The following RANBP2 variants were observed in gnomAD, a reference collection of about 807,000 sequenced individuals.
The protein encoded by RANBP2 is RAN binding protein 2.
Under a neutral mutation model 303.6 loss-of-function variants are expected in RANBP2, and 57 were observed. The observed-to-expected ratio is 0.19, with a 90% CI of 0.15 to 0.23. The LOEUF (loss-of-function observed/expected upper bound fraction) is 0.23. Among genes scored for constraint, RANBP2 ranks in the 10% least tolerant of loss-of-function variants. The pLI, the probability that RANBP2 is intolerant of heterozygous loss-of-function variation, is 1.00. For missense variants in RANBP2, 3,138 were observed against 3,780.8 expected (o/e 0.83, Z 4.46); for synonymous variants, 1,167 against 1,301.5 (o/e 0.90, Z 2.23).
chr2:108,890,538 C>T, the RANBP2 span, among the ~76,000 whole-genome samples: 1 of 152,170 alleles, frequency 6.6e-6, no homozygotes, highest in African/African-American at 2.4e-5. Context: ...AGCCACTGCA[C>T]CTGGTCAGGG....
chr2:109,205,413 T>C, the RANBP2 span, among the ~76,000 whole-genome samples: 2 of 151,992 alleles, frequency 1.3e-5, no homozygotes, highest in South Asian at 4.1e-4. Context: ...TTTTTTGTTT[T>C]TGTTTTTTGT....
At chr2:109,170,846 T>G in the RANBP2 span, among the ~76,000 whole-genome samples, 1 of 152,170 alleles carries the variant, frequency 6.6e-6, no homozygotes, top group Non-Finnish European at 1.5e-5. Context: ...AGAGGGCGCT[T>G]TTCTCCCCTC....
the RANBP2 span, among the ~76,000 whole-genome samples, chr2:109,191,555 C>T: frequency 2.3e-3 from 350 of 152,310 alleles, 1 homozygote; most frequent in African/African-American, 8.1e-3. Flanking sequence ...TCAGGCTTGA[C>T]GCTGCCTCCC....
At chr2:109,196,711 G>A in the RANBP2 span, among the ~76,000 whole-genome samples, 4 of 152,290 alleles carry the variant, frequency 2.6e-5, no homozygotes, top group South Asian at 2.1e-4. Context: ...GCTGGTGTGT[G>A]CCTCCTCCCG....
At chr2:108,811,579 T>G in the RANBP2 span, among the ~76,000 whole-genome samples, 3 of 151,964 alleles carry the variant, frequency 2.0e-5, no homozygotes, top group Non-Finnish European at 1.5e-5. Context: ...GGTTTGTTGG[T>G]TTTTTTATTT....
chr2:109,249,444 G>C, the RANBP2 span, among the ~76,000 whole-genome samples: 1 of 149,918 alleles, frequency 6.7e-6, no homozygotes, highest in Non-Finnish European at 1.5e-5. Flanking sequence ...TCCTGCACCA[G>C]ATCTCTCTCT....
At chr2:108,859,712 A>G in the RANBP2 span, among the ~76,000 whole-genome samples, 1 of 152,102 alleles carries the variant, frequency 6.6e-6, no homozygotes, top group South Asian at 2.1e-4. Flanking sequence ...GCCTTGTAGT[A>G]TAGTTTGAAG....
At chr2:108,761,879 A>G (rs2433711) in intron 18 of RANBP2, among the ~76,000 whole-genome samples, 37 of 152,298 alleles carry the variant, frequency 2.4e-4, no homozygotes, top group South Asian at 1.7e-3. Context: ...TGATCACAGC[A>G]ATGCTATTCT....
At chr2:108,737,421 C>T (rs1357035802) in intron 6 of RANBP2, among the ~76,000 whole-genome samples, 10 of 149,346 alleles carry the variant, frequency 6.7e-5, no homozygotes, top group Non-Finnish European at 1.5e-5. Context: ...TCACTGTAAC[C>T]TCCGCCTCCC....
the RANBP2 span, among the ~76,000 whole-genome samples, chr2:109,273,922 T>G: frequency 6.6e-6 from 1 of 152,306 alleles, no homozygotes; most frequent in African/African-American, 2.4e-5. Context: ...AGGACTGGGT[T>G]TGGTGCTTGC....
At chr2:109,687,806 G>A in the RANBP2 span, among the ~76,000 whole-genome samples, 4 of 150,074 alleles carry the variant, frequency 2.7e-5, no homozygotes, top group African/African-American at 9.9e-5. Context: ...GCAGTGGTGC[G>A]ATCATGGCTC....
chr2:109,597,451 G>A, the RANBP2 span, among the ~76,000 whole-genome samples: 3 of 152,222 alleles, frequency 2.0e-5, no homozygotes, highest in African/African-American at 7.2e-5. Context: ...CTCAACAGTA[G>A]TAAGACATGG....
chr2:108,766,364 G>T lies in RANBP2; in HGVS notation c.5825G>T (p.Ser1942Ile), dbSNP rs201476147. The T allele has an allele frequency of 9.8e-5, 158 of 1,611,982 alleles. 2 individuals are homozygous for T. The highest frequency in any genetic ancestry group is 7.4e-4 in the South Asian group (67 of 90,994). The change falls in exon 20 of 29, where the codon AGT (serine) becomes ATT (isoleucine). Residue 1942 changes from serine (S) to isoleucine (I), a missense_variant. Ser to Ile is a moderately radical substitution (Grantham distance 142). Around this residue, in one of 20 missense-constraint regions of RANBP2, gnomAD observed 348 missense variants for 360.4 expected, o/e 0.97. Coordinates refer to ENST00000283195, the MANE Select transcript of RANBP2 (RefSeq NM_006267.5). ...NGRGVIFGQT[S>I]STFTFADLAK... ...CGTGGTGTGATTTTTGGCCAAACAA[G>T]TAGCACTTTTACATTTGCAGATCTT...
the RANBP2 span, among the ~76,000 whole-genome samples, chr2:109,230,015 A>G: frequency 9.1e-4 from 138 of 151,756 alleles, no homozygotes; most frequent in African/African-American, 3.2e-3. Flanking sequence ...TAGTAGAGAC[A>G]GGGTTTCACC....
the RANBP2 span, among the ~76,000 whole-genome samples, chr2:109,586,915 A>T: frequency 6.6e-6 from 1 of 152,272 alleles, no homozygotes; most frequent in South Asian, 2.1e-4. Context: ...GCCTGTTAGA[A>T]CAAAGTTCAA....
the RANBP2 span, among the ~76,000 whole-genome samples, chr2:109,773,363 TG>T: frequency 7.5e-6 from 1 of 133,502 alleles, no homozygotes; most frequent in Admixed American, 7.7e-5. Flanking sequence ...CGGCTATGCG[TG>T]TTCCCACTCT....
At chr2:108,906,803 C>T in the RANBP2 span, among the ~76,000 whole-genome samples, 1 of 152,232 alleles carries the variant, frequency 6.6e-6, no homozygotes, top group Non-Finnish European at 1.5e-5. Context: ...AGTCCCGGGG[C>T]CATGGCCACC....
At chr2:109,585,886 T>C in the RANBP2 span, 1 of 1,450,708 alleles carries the variant, frequency 6.9e-7, no homozygotes, top group South Asian at 1.2e-5. Context: ...AAAACAACTT[T>C]GACTTAAATA....
the RANBP2 span, among the ~76,000 whole-genome samples, chr2:109,157,353 T>C: frequency 3.3e-5 from 5 of 152,236 alleles, no homozygotes; most frequent in South Asian, 2.1e-4. Context: ...TTACAAATAT[T>C]GCATTCGCTT....
Sources: allele counts gnomAD v4.1 joint callset (sites outside exome capture counted in the v4.1 genomes callset), GRCh38; gene constraint gnomAD v4.1.1; regional missense constraint gnomAD v4.1.1; transcripts MANE v1.5; gene names NCBI Gene and HGNC (gene_info 2026-07-23, HGNC 2026-07-21).